The following UBE2W variants were observed in gnomAD, a reference collection of about 807,000 sequenced individuals.
The protein encoded by UBE2W is ubiquitin conjugating enzyme E2 W, also known as ubiquitin-conjugating enzyme E2 W.
UBE2W carries 18 observed loss-of-function variants against 27.2 expected under a neutral mutation model. The ratio of observed to expected loss-of-function variants is 0.66; its 90% CI spans 0.46 to 0.98. UBE2W has a LOEUF of 0.98. UBE2W is among the 50% of genes least tolerant of loss of function. UBE2W has a pLI of 0.00. For synonymous variants in UBE2W, 53 were observed against 57.2 expected (o/e 0.93, Z 0.33); for missense variants, 90 against 180.2 (o/e 0.50, Z 2.87).
intron 1 of UBE2W, among the ~76,000 whole-genome samples, chr8:73,865,075 A>G (rs1811691258): frequency 6.6e-6 from 1 of 151,776 alleles, no homozygotes; most frequent in African/African-American, 2.4e-5. Context: ...CAAAAAAGCG[A>G]AATAATGTGG....
chr8:73,837,498 G>C (rs1482970580), intron 1 of UBE2W, among the ~76,000 whole-genome samples: 1 of 151,994 alleles, frequency 6.6e-6, no homozygotes, highest in Non-Finnish European at 1.5e-5. Flanking sequence ...GGGCAACAGA[G>C]TGAGACTCTT....
At chr8:73,839,726 GTTTTTTTTTT>G (rs149185338) in intron 1 of UBE2W, among the ~76,000 whole-genome samples, 2 of 123,134 alleles carry the variant, frequency 1.6e-5, no homozygotes, top group African/African-American at 6.3e-5. Flanking sequence ...TTCTTTTTTG[GTTTTTTTTTT>G]TTTTTTTTTT....
At chr8:73,809,061 A>G (rs370581175) in intron 4 of UBE2W, among the ~76,000 whole-genome samples, 182 of 152,318 alleles carry the variant, frequency 1.2e-3, no homozygotes, top group African/African-American at 3.9e-3. Flanking sequence ...CTTTAAGCGT[A>G]ACAGGAACAT....
chr8:73,797,749 C>T (rs138969962), intron 5 of UBE2W, among the ~76,000 whole-genome samples: 2 of 152,300 alleles, frequency 1.3e-5, no homozygotes, highest in African/African-American at 2.4e-5. Context: ...CTACACCTTC[C>T]CCAAATTACA....
chr8:73,806,527 G>C (rs1316714238), intron 4 of UBE2W, among the ~76,000 whole-genome samples: 3 of 143,982 alleles, frequency 2.1e-5, no homozygotes, highest in Admixed American at 1.4e-4. Context: ...GTGAAACCCT[G>C]TCTGCTAAAA....
At chr8:73,814,674 A>T (rs1313934671) in intron 3 of UBE2W, among the ~76,000 whole-genome samples, 2 of 151,790 alleles carry the variant, frequency 1.3e-5, no homozygotes, top group Admixed American at 1.3e-4. Flanking sequence ...GCACACCACC[A>T]CGCCTGGCTA....
chr8:73,815,671 C>A (rs1234318131), intron 3 of UBE2W, among the ~76,000 whole-genome samples: 3 of 152,164 alleles, frequency 2.0e-5, no homozygotes, highest in Non-Finnish European at 4.4e-5. Flanking sequence ...GAAGGAGGCA[C>A]AACTACTGTT....
chr8:73,877,142 A>C (rs1321614431), intron 1 of UBE2W, among the ~76,000 whole-genome samples: 1 of 152,210 alleles, frequency 6.6e-6, no homozygotes, highest in Non-Finnish European at 1.5e-5. Context: ...TAATGTTTTA[A>C]TCTTAATACA....
chr8:73,863,540 GCA>G (rs1458259241), intron 1 of UBE2W, among the ~76,000 whole-genome samples: 42 of 148,552 alleles, frequency 2.8e-4, no homozygotes, highest in African/African-American at 9.8e-4. Context: ...TAACTAACCT[GCA>G]CAATGTGCAC....
chr8:73,847,151 A>G, intron 1 of UBE2W, among the ~76,000 whole-genome samples: 1 of 152,194 alleles, frequency 6.6e-6, no homozygotes, highest in Non-Finnish European at 1.5e-5. Flanking sequence ...CCTGGGCGAC[A>G]GAGTGAGACT....
At chr8:73,802,079 A>G (rs1808669578) in intron 5 of UBE2W, among the ~76,000 whole-genome samples, 1 of 152,236 alleles carries the variant, frequency 6.6e-6, no homozygotes, top group African/African-American at 2.4e-5. Context: ...TTTCATAAAT[A>G]AAACTTTTCT....
chr8:73,810,778 T>TC, intron 3 of UBE2W, 149 bp from the exon 4 acceptor site: 1 of 534,318 alleles, frequency 1.9e-6, no homozygotes. Flanking sequence ...GCTTATTTGT[T>TC]TACTCTCATT....
intron 1 of UBE2W, among the ~76,000 whole-genome samples, chr8:73,849,436 G>T (rs1417846015): frequency 6.7e-6 from 1 of 148,550 alleles, no homozygotes; most frequent in Non-Finnish European, 1.5e-5. Context: ...AGCTTGAACA[G>T]CGGAGGTGGA....
At chr8:73,796,743 A>C in intron 5 of UBE2W, 1 of 760,564 alleles carries the variant, frequency 1.3e-6, no homozygotes, top group South Asian at 6.0e-5. Flanking sequence ...TACAACTATG[A>C]GCCAAAGCCA....
In UBE2W at chr8:73,797,691, T is replaced by C. The variant is rs191156850; in HGVS notation, c.443-3576A>G. On this transcript the variant is annotated intron_variant, in intron 5 of 5. Transcript: ENST00000602593. ...TATACTTCTATAGAAATGTTCCAGC[T>C]GAACAGAATCAGAATGCAGTCCATG... is the stretch of plus-strand genomic sequence containing the variant. 1.2e-3 allele frequency among the ~76,000 whole-genome samples: 180 copies of C among 152,356 alleles called. 1 individual carries two copies. Among genetic ancestry groups the C allele is most frequent in the Non-Finnish European group, 2.3e-3 (158 of 68,032 alleles).
chr8:73,793,816 T>C lies in UBE2W; in HGVS notation c.*286A>G. On this transcript the variant is annotated 3_prime_UTR_variant, in exon 6 of 6. Transcript: ENST00000602593. ...TGCACAATACATGAGGACCTGGAGC[T>C]TTTCCAAAAGCTTAAAAAAATAAAA... 1 of 1,138,554 alleles carries C rather than the reference T, an allele frequency of 8.8e-7. No individual in the cohort carries two copies. The highest frequency in any genetic ancestry group is 1.1e-6 in the Non-Finnish European group (1 of 926,590). 70.5% of individuals were successfully genotyped at this position (1,138,554 alleles called of 1,614,324 possible).
intron 3 of UBE2W, among the ~76,000 whole-genome samples, chr8:73,817,575 T>A (rs1809446176): frequency 6.6e-6 from 1 of 152,102 alleles, no homozygotes; most frequent in African/African-American, 2.4e-5. Context: ...TGGAGTGCAG[T>A]GGCATGATCT....
chr8:73,868,731 G>C (rs1811880202), intron 1 of UBE2W, among the ~76,000 whole-genome samples: 1 of 150,678 alleles, frequency 6.6e-6, no homozygotes, highest in African/African-American at 2.4e-5. Flanking sequence ...CCACATATCT[G>C]GTGTCAGAAA....
At chr8:73,805,318 T>G (rs1563577664) in intron 5 of UBE2W, among the ~76,000 whole-genome samples, 1 of 150,328 alleles carries the variant, frequency 6.7e-6, no homozygotes, top group Non-Finnish European at 1.5e-5. Context: ...CTGGGTGTGG[T>G]TGCACATGCC....
Sources: allele counts gnomAD v4.1 joint callset (sites outside exome capture counted in the v4.1 genomes callset), GRCh38; gene constraint gnomAD v4.1.1; transcripts MANE v1.5; gene names NCBI Gene and HGNC (gene_info 2026-07-23, HGNC 2026-07-21).